Variants in ARL9 observed in about 807,000 individuals in gnomAD.
ARL9 encodes ADP-ribosylation factor-like protein 9.
Under a neutral mutation model 27.0 loss-of-function variants are expected in ARL9, and 14 were observed. The observed-to-expected ratio is 0.52, with a 90% CI of 0.34 to 0.81. The LOEUF is 0.81. Ranked by LOEUF, ARL9 falls within the 30% of genes least tolerant of loss-of-function variation. The probability of loss-of-function intolerance (pLI) is 0.01; values close to 1 mark genes in which losing one functional copy is unlikely to be tolerated. For synonymous variants in ARL9, 106 were observed against 108.7 expected (o/e 0.98, Z 0.15); for missense variants, 294 against 290.0 (o/e 1.01, Z -0.10).
chr4:56,516,645 A>G (rs1458826169), intron 2 of ARL9, among the ~76,000 whole-genome samples: 2 of 151,634 alleles, frequency 1.3e-5, no homozygotes, highest in Admixed American at 1.3e-4. Context: ...TTTGAAGAGG[A>G]TGCAGCTGGG....
intron 2 of ARL9, among the ~76,000 whole-genome samples, chr4:56,517,759 G>A (rs142620985): frequency 2.8e-4 from 43 of 152,034 alleles, no homozygotes; most frequent in African/African-American, 9.9e-4. Context: ...AGAATCAGCA[G>A]GATGAAGTAA....
chr4:56,506,046 A>T lies in ARL9; in HGVS notation c.184A>T (p.Lys62Ter). The T allele has an allele frequency of 8.1e-7, 1 of 1,230,490 alleles. No homozygotes were observed. The highest frequency in any genetic ancestry group is 1.0e-6 in the Non-Finnish European group (1 of 985,708). The allele number at this position is 1,230,490 out of a possible 1,614,324, so 76.2% of individuals were successfully genotyped here. ...EKEEKRTKQG[K>*]ETNKEKEQFK... ...AGAGGAAAAGAGGACAAAGCAAGGGAAGGAGACAAACAAAGAGAAGGAACA... is the reference window on the plus strand; with the variant it reads ...AGAGGAAAAGAGGACAAAGCAAGGGTAGGAGACAAACAAAGAGAAGGAACA... The change falls in exon 1 of 4, where the codon AAG becomes TAG. Residue 62 changes from lysine to a stop codon, truncating the protein, a stop_gained. Transcript: ENST00000640821. LOFTEE classifies it high-confidence loss of function.
Position 56,511,250 on chromosome 4 carries a change from T to C in ARL9, c.345T>C (p.Ser115=). The change falls in exon 2 of 4, where the codon TCT becomes TCC. Residue 115 remains serine (S), a synonymous_variant. Transcript: ENST00000640821. ...CAGGAAAAACCAGTGTCCTGCACTC[T>C]CTAGCTTCAAACAGAGTCCAGCACA... ...DGAGKTSVLH[S]LASNRVQHSV... is the part of the protein sequence containing the mutation. 1 of 1,613,858 alleles carries C rather than the reference T, an allele frequency of 6.2e-7. No homozygotes were observed. The highest frequency in any genetic ancestry group is 8.5e-7 in the Non-Finnish European group (1 of 1,179,824).
chr4:56,508,926 C>G (rs1721544395), intron 1 of ARL9, among the ~76,000 whole-genome samples: 1 of 152,116 alleles, frequency 6.6e-6, no homozygotes, highest in Non-Finnish European at 1.5e-5. Flanking sequence ...ATTGTTATTT[C>G]TAAACCAGCG....
At chr4:56,512,421 A>G (rs184215604) in intron 2 of ARL9, among the ~76,000 whole-genome samples, 1 of 152,148 alleles carries the variant, frequency 6.6e-6, no homozygotes, top group Non-Finnish European at 1.5e-5. Flanking sequence ...TCTCCTTTTA[A>G]AAGAGCTTTC....
chr4:56,517,027 T>C (rs1721784877), intron 2 of ARL9, among the ~76,000 whole-genome samples: 1 of 152,204 alleles, frequency 6.6e-6, no homozygotes, highest in Non-Finnish European at 1.5e-5. Context: ...CCAACTTCTT[T>C]GGAAAACAAT....
intron 3 of ARL9, among the ~76,000 whole-genome samples, chr4:56,522,111 C>T (rs1578216039): frequency 1.3e-5 from 2 of 151,928 alleles, no homozygotes; most frequent in African/African-American, 4.8e-5. Flanking sequence ...GCCCCACAGG[C>T]TCCAAGTGAT....
chr4:56,517,034 C>A (rs899275756), intron 2 of ARL9, among the ~76,000 whole-genome samples: 5 of 152,166 alleles, frequency 3.3e-5, no homozygotes, highest in Non-Finnish European at 7.3e-5. Context: ...CTTTGGAAAA[C>A]AATTTGGTGT....
rs964182689 is a variant in ARL9 at position 56,506,116 on chromosome 4, T to G, written c.254T>G (p.Leu85Trp). Residue 85 changes from leucine to tryptophan, a missense_variant, in exon 1 of 4, where the codon TTG (leucine) becomes TGG (tryptophan). Transcript: ENST00000640821. ...AAAGGGGAGAACAAGGACAGCACCT[T>G]GACAAGGACCCCGCTCGAGCCGCTG... is the stretch of plus-strand genomic sequence containing the variant. ...EEKGENKDST[L>W]TRTPLEPLEK... 1.4e-5 allele frequency: 17 copies of G among 1,233,310 alleles called. No individual in the cohort carries two copies. Among genetic ancestry groups the G allele is most frequent in the Non-Finnish European group, 1.6e-5 (16 of 989,106 alleles). The allele number at this position is 1,233,310 out of a possible 1,614,324, so 76.4% of individuals were successfully genotyped here.
chr4:56,521,232 A>G (rs796237588), intron 3 of ARL9, among the ~76,000 whole-genome samples: 28 of 151,710 alleles, frequency 1.8e-4, no homozygotes, highest in African/African-American at 2.4e-4. Flanking sequence ...AAAAAAAAAA[A>G]AGAGAGAGGC....
chr4:56,511,912 G>A (rs1381241343), intron 2 of ARL9, among the ~76,000 whole-genome samples: 5 of 152,072 alleles, frequency 3.3e-5, no homozygotes, highest in African/African-American at 1.2e-4. Context: ...ACATATCCAA[G>A]TCCTCTAAAA....
intron 2 of ARL9, among the ~76,000 whole-genome samples, chr4:56,517,217 C>T (rs184736824): frequency 2.6e-5 from 4 of 152,312 alleles, no homozygotes; most frequent in Admixed American, 2.6e-4. Context: ...ATGAGTTACA[C>T]AGCACTATTT....
At chr4:56,512,534 CAT>C in intron 2 of ARL9, among the ~76,000 whole-genome samples, 1 of 146,484 alleles carries the variant, frequency 6.8e-6, no homozygotes, top group African/African-American at 2.5e-5. Flanking sequence ...CAAAATCAAT[CAT>C]TCTTTTTTTT....
chr4:56,508,786 T>A (rs1367255549), intron 1 of ARL9, among the ~76,000 whole-genome samples: 1 of 152,216 alleles, frequency 6.6e-6, no homozygotes, highest in Non-Finnish European at 1.5e-5. Flanking sequence ...CATTTTCACA[T>A]AGATGTTTCT....
In ARL9 at chr4:56,505,950, A is replaced by C. The variant is rs1179559735; in HGVS notation, c.88A>C (p.Lys30Gln). ...IGEKGREEKV[K>Q]RKEVEQKIKQ... ...AGAAAAGGGTAGGGAAGAGAAAGTG[A>C]AAAGAAAGGAGGTGGAGCAGAAAAT... The change falls in exon 1 of 4, where the codon AAA becomes CAA. Residue 30 changes from lysine (K) to glutamine (Q), a missense_variant. Physicochemically the swap from Lys to Gln is moderately conservative, Grantham distance 53. Transcript: ENST00000640821. The C allele has an allele frequency of 2.5e-6, 3 of 1,222,124 alleles. No homozygotes were observed. The highest frequency in any genetic ancestry group is 3.1e-6 in the Non-Finnish European group (3 of 976,988). The allele number at this position is 1,222,124 out of a possible 1,614,324, so 75.7% of individuals were successfully genotyped here.
chr4:56,512,441 C>T (rs911937830), intron 2 of ARL9, among the ~76,000 whole-genome samples: 5 of 152,082 alleles, frequency 3.3e-5, no homozygotes, highest in Non-Finnish European at 5.9e-5. Context: ...CTTGGGTGTG[C>T]CTTCTGTCAG....
chr4:56,514,349 C>T (rs545086655), intron 2 of ARL9, among the ~76,000 whole-genome samples: 3 of 152,126 alleles, frequency 2.0e-5, no homozygotes, highest in Non-Finnish European at 2.9e-5. Context: ...AATAAAGACA[C>T]GAAGCCAATG....
chr4:56,519,003 G>C, intron 3 of ARL9, 150 bp downstream of exon 3: 2 of 774,364 alleles, frequency 2.6e-6, no homozygotes, highest in Non-Finnish European at 4.0e-6. Context: ...CTTGAGGGTA[G>C]AGACTGTTGT....
chr4:56,521,864 C>A (rs1244491168), intron 3 of ARL9, among the ~76,000 whole-genome samples: 2 of 152,082 alleles, frequency 1.3e-5, no homozygotes, highest in Non-Finnish European at 2.9e-5. Context: ...AAAAATAATT[C>A]TTTGTTAGTT....
Sources: gnomAD v4.1 joint callset for allele counts (sites outside exome capture counted in the v4.1 genomes callset) on GRCh38, gnomAD v4.1.1 for gene constraint, MANE v1.5 for transcripts, NCBI Gene and HGNC (gene_info 2026-07-23, HGNC 2026-07-21) for gene names.